The following ZNF618 variants were observed in gnomAD, a reference collection of about 807,000 sequenced individuals.
ZNF618 encodes the protein neural precursor cell expressed, developmentally down-regulated 10.
ZNF618 carries 34 observed loss-of-function variants against 103.0 expected under a neutral mutation model. The ratio of observed to expected loss-of-function variants is 0.33; its 90% CI spans 0.25 to 0.44. The LOEUF (loss-of-function observed/expected upper bound fraction) is 0.44, where lower values mean the gene tolerates loss of function less well. ZNF618 is among the 20% of genes least tolerant of loss of function. ZNF618 has a pLI of 1.00. For missense variants in ZNF618, 1,059 were observed against 1,295.4 expected, an observed-to-expected ratio of 0.82 and a Z score of 2.80; for synonymous variants, 551 against 542.2, an observed-to-expected ratio of 1.02 and a Z score of -0.23.
intron 13 of ZNF618, among the ~76,000 whole-genome samples, chr9:114,039,926 A>C (rs1472860921): frequency 2.0e-5 from 3 of 150,648 alleles, no homozygotes; most frequent in Non-Finnish European, 4.4e-5. Flanking sequence ...GCCCTTTACA[A>C]ATGTACATGT....
At chr9:113,916,629 G>T (rs1832108991) in intron 1 of ZNF618, among the ~76,000 whole-genome samples, 1 of 152,188 alleles carries the variant, frequency 6.6e-6, no homozygotes, top group Admixed American at 6.5e-5. Context: ...CATGCAGGTG[G>T]CAGTTACCCT....
intron 10 of ZNF618, among the ~76,000 whole-genome samples, chr9:114,018,041 T>G (rs1842789062): frequency 6.6e-6 from 1 of 152,184 alleles, no homozygotes; most frequent in Non-Finnish European, 1.5e-5. Context: ...CTCTGGGCTC[T>G]TTTCCCATCT....
At chr9:114,015,111 A>G (rs1430195272) in intron 9 of ZNF618, among the ~76,000 whole-genome samples, 1 of 152,222 alleles carries the variant, frequency 6.6e-6, no homozygotes, top group Non-Finnish European at 1.5e-5. Context: ...AATCCTACCG[A>G]GAGCAAGTAA....
chr9:114,024,339 A>G (rs1390139314), intron 10 of ZNF618, among the ~76,000 whole-genome samples: 1 of 151,052 alleles, frequency 6.6e-6, no homozygotes, highest in African/African-American at 2.4e-5. Flanking sequence ...TCATTTCTGT[A>G]TGTTTCTGTT....
chr9:113,974,639 G>A (rs1838317005), intron 2 of ZNF618, among the ~76,000 whole-genome samples: 1 of 152,052 alleles, frequency 6.6e-6, no homozygotes. Flanking sequence ...AAAGGATTAT[G>A]TGTAGCCTGC....
intron 14 of ZNF618, 45 bp downstream of exon 14, chr9:114,048,039 T>C: frequency 6.8e-7 from 1 of 1,476,154 alleles, no homozygotes; most frequent in Non-Finnish European, 9.3e-7. Flanking sequence ...CCCCTTATGC[T>C]CCAGTTGTTC....
chr9:114,043,684 C>A (rs1341485806), intron 13 of ZNF618, among the ~76,000 whole-genome samples: 1 of 152,146 alleles, frequency 6.6e-6, no homozygotes, highest in Non-Finnish European at 1.5e-5. Context: ...AAAGTATTCC[C>A]TTTCCACCAC....
At chr9:114,026,177 C>T (rs573991526) in intron 10 of ZNF618, among the ~76,000 whole-genome samples, 12 of 152,136 alleles carry the variant, frequency 7.9e-5, no homozygotes, top group Admixed American at 7.2e-4. Flanking sequence ...GAAGAATGTT[C>T]GAGGCAGAGG....
intron 10 of ZNF618, among the ~76,000 whole-genome samples, chr9:114,020,491 C>T (rs1842978789): frequency 6.6e-6 from 1 of 152,102 alleles, no homozygotes; most frequent in Non-Finnish European, 1.5e-5. Flanking sequence ...TAGTTTCTCT[C>T]AGGAGCAGTT....
chr9:114,045,304 C>T (rs892012376), intron 13 of ZNF618, among the ~76,000 whole-genome samples: 1 of 152,084 alleles, frequency 6.6e-6, no homozygotes, highest in African/African-American at 2.4e-5. Context: ...AAGACTTAAT[C>T]AGTTCATATG....
chr9:114,018,244 G>A (rs867022122), intron 10 of ZNF618, among the ~76,000 whole-genome samples: 3 of 152,220 alleles, frequency 2.0e-5, no homozygotes, highest in Non-Finnish European at 4.4e-5. Context: ...GGTAGGCACC[G>A]ACTGTCCAGT....
chr9:114,008,662 C>T (rs1841975896), intron 9 of ZNF618, 108 bp downstream of exon 9: 3 of 1,318,612 alleles, frequency 2.3e-6, no homozygotes, highest in African/African-American at 1.4e-5. Flanking sequence ...CATCACTTAA[C>T]TGCAGCAATG....
chr9:113,965,171 G>A (rs1030608646), intron 1 of ZNF618, among the ~76,000 whole-genome samples: 1 of 152,008 alleles, frequency 6.6e-6, no homozygotes, highest in African/African-American at 2.4e-5. Context: ...AATTAAAAAA[G>A]GGTTTATTTT....
intron 10 of ZNF618, chr9:114,028,505 A>C: frequency 1.6e-6 from 1 of 621,388 alleles, no homozygotes; most frequent in Non-Finnish European, 2.8e-6. Context: ...TGACCTACAC[A>C]GTGGGCTGGT....
At chr9:113,908,103 G>A (rs1831156110) in intron 1 of ZNF618, among the ~76,000 whole-genome samples, 1 of 151,660 alleles carries the variant, frequency 6.6e-6, no homozygotes, top group African/African-American at 2.4e-5. Context: ...TGGCTCCTGA[G>A]AACTGGGAGG....
chr9:113,934,994 C>T (rs1833910366), intron 1 of ZNF618, among the ~76,000 whole-genome samples: 1 of 152,220 alleles, frequency 6.6e-6, no homozygotes, highest in Non-Finnish European at 1.5e-5. Context: ...GGGTCCCTCA[C>T]AAGCCTGGCT....
At chr9:114,039,972 G>A (rs1335669289) in intron 13 of ZNF618, among the ~76,000 whole-genome samples, 1 of 150,836 alleles carries the variant, frequency 6.6e-6, no homozygotes, top group Admixed American at 6.6e-5. Flanking sequence ...TAGCCACACC[G>A]AGGAAACCTT....
Position 113,969,164 on chromosome 9 carries a change from C to T in ZNF618, c.77+4C>T. 6.2e-7 allele frequency: 1 copy of T among 1,613,988 alleles called. No homozygotes were observed. The highest frequency in any genetic ancestry group is 8.5e-7 in the Non-Finnish European group (1 of 1,179,882). ...GAAGGAAAAGCACTGCGAGCAGGTA[C>T]ACTCCCTCTCCCGCCCCCAGCTTGT... is the stretch of plus-strand genomic sequence containing the variant. On this transcript the variant is annotated splice_donor_region_variant and intron_variant, in intron 2 of 14. Transcript: ENST00000374126.
At chr9:113,878,750 C>T (rs1828208704) in intron 1 of ZNF618, among the ~76,000 whole-genome samples, 1 of 152,122 alleles carries the variant, frequency 6.6e-6, no homozygotes, top group Admixed American at 6.5e-5. Context: ...GAAAGGAAAC[C>T]CTTTGCTCCT....
Sources: gnomAD v4.1 joint callset for allele counts (sites outside exome capture counted in the v4.1 genomes callset) on GRCh38, gnomAD v4.1.1 for gene constraint, MANE v1.5 for transcripts, NCBI Gene and HGNC (gene_info 2026-07-23, HGNC 2026-07-21) for gene names.